Variants in RNF212B observed in about 807,000 individuals in gnomAD.
RNF212B encodes ring finger protein 212B.
A neutral mutation model predicts 55.5 loss-of-function variants in RNF212B; 52 were observed. The ratio of observed to expected loss-of-function variants is 0.94; its 90% CI spans 0.75 to 1.18. The LOEUF is 1.18. Among genes scored for constraint, RNF212B ranks in the 50% most tolerant of loss-of-function variants. RNF212B has a pLI of 0.00. For missense variants in RNF212B, 289 were observed against 350.4 expected (o/e 0.82, Z 1.40); for synonymous variants, 99 against 121.4 (o/e 0.82, Z 1.21).
chr14:23,251,974 G>T lies in RNF212B; in HGVS notation c.229-6575G>T, dbSNP rs954644369. ...CACCAACTTGGTAACTCTCTGAACCGCCTTGTTCAGGAGTTGTTATGAACG... is the reference window on the plus strand; with the variant it reads ...CACCAACTTGGTAACTCTCTGAACCTCCTTGTTCAGGAGTTGTTATGAACG... On this transcript the variant is annotated intron_variant, in intron 4 of 14. Coordinates refer to ENST00000430154, the MANE Select transcript of RNF212B (RefSeq NM_001282322.3). Among the ~76,000 whole-genome samples, 26 of 152,036 alleles carry T rather than the reference G, an allele frequency of 1.7e-4. 1 individual carries two copies. The highest frequency in any genetic ancestry group is 2.8e-4 in the Non-Finnish European group (19 of 68,008).
chr14:23,256,564 G>A (rs1429107395), intron 4 of RNF212B, among the ~76,000 whole-genome samples: 2 of 152,000 alleles, frequency 1.3e-5, no homozygotes, highest in African/African-American at 4.8e-5. Context: ...TAGAGACGGG[G>A]TTTTGCCATA....
chr14:23,254,359 G>A (rs764712490), intron 4 of RNF212B, among the ~76,000 whole-genome samples: 2 of 151,668 alleles, frequency 1.3e-5, no homozygotes, highest in Non-Finnish European at 2.9e-5. Flanking sequence ...CTAAAACTGG[G>A]CATGGTGGCT....
chr14:23,221,291 G>A (rs1248923400), intron 2 of RNF212B, among the ~76,000 whole-genome samples: 1 of 151,338 alleles, frequency 6.6e-6, no homozygotes, highest in Admixed American at 6.6e-5. Flanking sequence ...ATAGATAAAG[G>A]GATGTAAAAA....
At chr14:23,198,834 A>G (rs1252804841) in intron 2 of RNF212B, among the ~76,000 whole-genome samples, 1 of 152,232 alleles carries the variant, frequency 6.6e-6, no homozygotes, top group Non-Finnish European at 1.5e-5. Context: ...AAGGGTTTTC[A>G]CTATCAGAAA....
chr14:23,213,119 T>C (rs1458040191), intron 2 of RNF212B, among the ~76,000 whole-genome samples: 3 of 152,058 alleles, frequency 2.0e-5, no homozygotes, highest in East Asian at 1.9e-4. Context: ...GAGACCATCC[T>C]GGCTAACACA....
intron 2 of RNF212B, among the ~76,000 whole-genome samples, chr14:23,194,817 A>C (rs2140359832): frequency 6.6e-6 from 1 of 152,136 alleles, no homozygotes; most frequent in East Asian, 1.9e-4. Flanking sequence ...ATTTGAACAA[A>C]TTAGCAAGCT....
At chr14:23,193,581 C>T (rs754159195) in intron 2 of RNF212B, among the ~76,000 whole-genome samples, 3 of 151,908 alleles carry the variant, frequency 2.0e-5, no homozygotes, top group Non-Finnish European at 4.4e-5. Context: ...ACCCAGGGGG[C>T]GGATTTATGT....
chr14:23,254,285 TC>T (rs1294209677), intron 4 of RNF212B, among the ~76,000 whole-genome samples: 6 of 96,610 alleles, frequency 6.2e-5, no homozygotes, highest in African/African-American at 2.1e-4. Context: ...ACTCTTTATC[TC>T]AAAAACAAAA....
At chr14:23,190,434 G>A (rs989378544) in intron 1 of RNF212B, among the ~76,000 whole-genome samples, 3 of 152,214 alleles carry the variant, frequency 2.0e-5, no homozygotes, top group Non-Finnish European at 2.9e-5. Flanking sequence ...AATGGCGCTA[G>A]TTGGTCAGGC....
chr14:23,228,656 AAAAAC>A (rs920956678), intron 2 of RNF212B, among the ~76,000 whole-genome samples: 22 of 151,850 alleles, frequency 1.4e-4, no homozygotes, highest in African/African-American at 4.8e-4. Flanking sequence ...AAAAAAACAA[AAAAAC>A]AAAACAAAAC....
rs1402045381 is a variant in RNF212B, at chr14:23,240,312, G to A, written c.-1-33G>A. 4 of 1,381,324 alleles carry A rather than the reference G, an allele frequency of 2.9e-6. No individual in the cohort carries two copies. The African/African-American group carries it at 5.7e-5, about 20-fold the overall frequency. 85.6% of individuals were successfully genotyped at this position (1,381,324 alleles called of 1,614,324 possible). On this transcript the variant is annotated intron_variant, in intron 1 of 14. Transcript: ENST00000430154. ...CAGCTATAATTATGTTATTCTCTAG[G>A]TTATTCTTACTCTTTCTCTTTATCT...
rs1337612247 is a variant in RNF212B at position 23,260,286 on chromosome 14, T to C, written c.405+342T>C. On this transcript the variant is annotated intron_variant, in intron 6 of 14. Coordinates refer to ENST00000430154, the MANE Select transcript of RNF212B (RefSeq NM_001282322.3). The stretch of plus-strand genomic sequence containing the variant: ...TCAGGACCCTTCCTCTGCATCACAC[T>C]CTACTTCCTAAATAGTTTTTCTTCC... Among the ~76,000 whole-genome samples the C allele has an allele frequency of 2.0e-5, 3 of 152,282 alleles. No homozygotes were observed. The East Asian group carries it at 5.8e-4, about 29-fold the overall frequency.
intron 2 of RNF212B, among the ~76,000 whole-genome samples, chr14:23,202,185 A>G (rs1230373524): frequency 6.7e-6 from 1 of 149,502 alleles, no homozygotes; most frequent in African/African-American, 2.5e-5. Flanking sequence ...CAAGAGGAGG[A>G]GCTTGCAGTG....
At chr14:23,257,382 G>C (rs921555885) in intron 4 of RNF212B, among the ~76,000 whole-genome samples, 10 of 141,866 alleles carry the variant, frequency 7.0e-5, no homozygotes, top group African/African-American at 2.7e-4. Context: ...TAAAAATGAG[G>C]GTTTAAAAAA....
At chr14:23,236,056 T>C (rs1726573602), upstream of RNF212B, among the ~76,000 whole-genome samples, 1 of 152,136 alleles carries the variant, frequency 6.6e-6, no homozygotes, top group South Asian at 2.1e-4. Flanking sequence ...CTTCACACAC[T>C]CCAACCAAAA....
chr14:23,233,584 A>AG (rs1491290935), upstream of RNF212B, among the ~76,000 whole-genome samples: 5 of 126,416 alleles, frequency 4.0e-5, no homozygotes, highest in Non-Finnish European at 8.3e-5. Context: ...AAAAAAAAAA[A>AG]TAGAAAAATT....
intron 14 of RNF212B, among the ~76,000 whole-genome samples, chr14:23,272,155 T>C (rs1427075666): frequency 2.0e-5 from 3 of 152,136 alleles, no homozygotes; most frequent in African/African-American, 7.2e-5. Flanking sequence ...TGGTGGCTCA[T>C]GCCTGTAATC....
At chr14:23,207,094 T>C (rs1879917545) in intron 2 of RNF212B, among the ~76,000 whole-genome samples, 1 of 152,178 alleles carries the variant, frequency 6.6e-6, no homozygotes, top group South Asian at 2.1e-4. Flanking sequence ...CTTATTACCA[T>C]ATTTCAGCTA....
chr14:23,271,539 T>C (rs1886087069), intron 14 of RNF212B, among the ~76,000 whole-genome samples: 1 of 151,986 alleles, frequency 6.6e-6, no homozygotes, highest in Admixed American at 6.6e-5. Flanking sequence ...ATATTTAGGC[T>C]CCTTTTTCAC....
Sources: gnomAD v4.1 joint callset for allele counts (sites outside exome capture counted in the v4.1 genomes callset) on GRCh38, gnomAD v4.1.1 for gene constraint, MANE v1.5 for transcripts, NCBI Gene and HGNC (gene_info 2026-07-23, HGNC 2026-07-21) for gene names.